The following ENTREP1 variants were observed in gnomAD, a reference collection of about 807,000 sequenced individuals.
ENTREP1 encodes the protein endosomal transmembrane epsin interactor 1.
the ENTREP1 span, among the ~76,000 whole-genome samples, chr9:69,332,030 C>T: frequency 1.3e-5 from 2 of 152,316 alleles, no homozygotes; most frequent in East Asian, 3.9e-4. Flanking sequence ...AATTCTGCCT[C>T]CCTTTCAGAT....
chr9:69,367,702 T>TACATATATATACACATATATATAA, the ENTREP1 span, among the ~76,000 whole-genome samples: 12 of 113,766 alleles, frequency 1.1e-4, no homozygotes, highest in African/African-American at 2.4e-4. Flanking sequence ...CACATATATA[T>TACATATATATACACATATATATAA]AAATATATAT....
the ENTREP1 span, among the ~76,000 whole-genome samples, chr9:69,362,597 CATT>C: frequency 3.3e-5 from 5 of 152,226 alleles, no homozygotes; most frequent in Middle Eastern, 3.4e-3. Flanking sequence ...AGACTTAACT[CATT>C]GTGATGGTTA....
chr9:69,376,642 A>G, the ENTREP1 span, among the ~76,000 whole-genome samples: 1 of 152,164 alleles, frequency 6.6e-6, no homozygotes, highest in Non-Finnish European at 1.5e-5. Flanking sequence ...GAAAGAGAGA[A>G]CTGTTCCAAG....
chr9:69,357,542 G>C, the ENTREP1 span, among the ~76,000 whole-genome samples: 3 of 152,194 alleles, frequency 2.0e-5, no homozygotes, highest in Admixed American at 2.0e-4. Context: ...AGGAGAGCTG[G>C]TCTGGGTGAT....
chr9:69,383,152 C>G, the ENTREP1 span: 1 of 980,858 alleles, frequency 1.0e-6, no homozygotes, highest in Non-Finnish European at 1.2e-6. Context: ...GAGTCCTTAG[C>G]TGTTTTTTAA....
At chr9:69,335,507 G>A in the ENTREP1 span, among the ~76,000 whole-genome samples, 2 of 152,180 alleles carry the variant, frequency 1.3e-5, no homozygotes, top group African/African-American at 4.8e-5. Flanking sequence ...TGGCCTGAGG[G>A]AGGGCAGGTA....
the ENTREP1 span, among the ~76,000 whole-genome samples, chr9:69,358,853 A>AT: frequency 4.1e-4 from 62 of 151,076 alleles, no homozygotes; most frequent in African/African-American, 1.2e-3. Context: ...TTAAGGAAAA[A>AT]TTTTTTAAAG....
the ENTREP1 span, among the ~76,000 whole-genome samples, chr9:69,389,810 T>A: frequency 6.6e-6 from 1 of 152,202 alleles, no homozygotes; most frequent in African/African-American, 2.4e-5. Flanking sequence ...CTTATACAGT[T>A]CACTAGATGC....
the ENTREP1 span, among the ~76,000 whole-genome samples, chr9:69,364,234 G>T: frequency 1.3e-5 from 2 of 152,106 alleles, no homozygotes; most frequent in Non-Finnish European, 2.9e-5. Flanking sequence ...TTGTGAGGTA[G>T]CTGGGAAGAT....
chr9:69,375,709 A>T, the ENTREP1 span: 2 of 1,511,572 alleles, frequency 1.3e-6, no homozygotes, highest in Non-Finnish European at 1.8e-6. Context: ...TAATTAAAGT[A>T]TTTTTTTTTA....
chr9:69,337,636 TCA>T, the ENTREP1 span, among the ~76,000 whole-genome samples: 2 of 152,200 alleles, frequency 1.3e-5, no homozygotes, highest in Non-Finnish European at 2.9e-5. Flanking sequence ...AACTTATCAT[TCA>T]CAGTTTTAAA....
the ENTREP1 span, among the ~76,000 whole-genome samples, chr9:69,388,826 A>G: frequency 6.6e-6 from 1 of 152,220 alleles, no homozygotes; most frequent in Non-Finnish European, 1.5e-5. Flanking sequence ...GCCCTTTGGA[A>G]ATGATGACAT....
At chr9:69,390,407 G>A in the ENTREP1 span, among the ~76,000 whole-genome samples, 43 of 152,048 alleles carry the variant, frequency 2.8e-4, no homozygotes, top group Non-Finnish European at 1.6e-4. Context: ...AAAATTGACC[G>A]GACAGTTCTC....
the ENTREP1 span, chr9:69,371,668 C>G: frequency 9.0e-7 from 1 of 1,110,608 alleles, no homozygotes; most frequent in South Asian, 1.2e-5. Context: ...TCAGGTGTTC[C>G]TGGCGAGACT....
chr9:69,351,759 G>T, the ENTREP1 span, among the ~76,000 whole-genome samples: 36 of 152,240 alleles, frequency 2.4e-4, no homozygotes, highest in African/African-American at 8.4e-4. Flanking sequence ...TTCTTTCCTT[G>T]TAGAACATCT....
At chr9:69,327,790 C>T in the ENTREP1 span, among the ~76,000 whole-genome samples, 2 of 152,194 alleles carry the variant, frequency 1.3e-5, no homozygotes, top group Non-Finnish European at 2.9e-5. Context: ...CCCCATTCTT[C>T]CCCATACTCT....
the ENTREP1 span, among the ~76,000 whole-genome samples, chr9:69,331,913 C>T: frequency 4.8e-4 from 73 of 152,294 alleles, no homozygotes; most frequent in African/African-American, 1.6e-3. Context: ...ACCTTCTTGG[C>T]TCATTTCTGA....
the ENTREP1 span, among the ~76,000 whole-genome samples, chr9:69,336,771 G>T: frequency 1.3e-5 from 2 of 151,920 alleles, no homozygotes; most frequent in African/African-American, 4.8e-5. Flanking sequence ...GAGTGCAGTG[G>T]TGTGATCTCA....
chr9:69,324,795 G>T, the ENTREP1 span: 1 of 985,062 alleles, frequency 1.0e-6, no homozygotes, highest in Non-Finnish European at 1.2e-6. Context: ...ACTAAAGCGC[G>T]CCAGGGCCTC....
Sources: allele counts gnomAD v4.1 joint callset (sites outside exome capture counted in the v4.1 genomes callset), GRCh38; gene constraint gnomAD v4.1.1; transcripts MANE v1.5; gene names NCBI Gene and HGNC (gene_info 2026-07-23, HGNC 2026-07-21).